The following TFEC variants were observed in gnomAD, a reference collection of about 807,000 sequenced individuals.
TFEC encodes transcription factor EC, also known as class E basic helix-loop-helix protein 34.
Under a neutral mutation model 41.6 loss-of-function variants are expected in TFEC, and 31 were observed. That is an observed-to-expected ratio of 0.74 (90% confidence interval 0.56 to 1.01). The LOEUF (loss-of-function observed/expected upper bound fraction) is 1.01, where lower values mean the gene tolerates loss of function less well. Among genes scored for constraint, TFEC ranks in the 50% least tolerant of loss-of-function variants. The pLI is 0.00. For synonymous variants in TFEC, 143 were observed against 140.6 expected, an observed-to-expected ratio of 1.02 and a Z score of -0.12; for missense variants, 402 against 404.1, an observed-to-expected ratio of 0.99 and a Z score of 0.04.
chr7:116,014,591 A>C (rs1795121298), intron 1 of TFEC, among the ~76,000 whole-genome samples: 1 of 152,102 alleles, frequency 6.6e-6, no homozygotes, highest in Admixed American at 6.6e-5. Flanking sequence ...AGTTACTTGC[A>C]ATTTCTCTGT....
intron 3 of TFEC, among the ~76,000 whole-genome samples, chr7:116,066,772 A>T (rs1369507803): frequency 6.6e-6 from 1 of 152,098 alleles, no homozygotes; most frequent in African/African-American, 2.4e-5. Flanking sequence ...TGGCCATTTC[A>T]GTGAACTGAA....
At chr7:116,051,162 G>T (rs74779541) in intron 3 of TFEC, among the ~76,000 whole-genome samples, 1 of 152,144 alleles carries the variant, frequency 6.6e-6, no homozygotes, top group Admixed American at 6.5e-5. Flanking sequence ...TTGGGGGAAG[G>T]GGGAGGGATA....
At chr7:116,112,110 G>A (rs903474747) in intron 1 of TFEC, 34 of 798,684 alleles carry the variant, frequency 4.3e-5, no homozygotes, top group Non-Finnish European at 4.8e-5. Context: ...TGATTCATAC[G>A]TTGTACATTA....
intron 3 of TFEC, among the ~76,000 whole-genome samples, chr7:116,102,219 C>T (rs998615836): frequency 6.6e-6 from 1 of 152,154 alleles, no homozygotes; most frequent in Non-Finnish European, 1.5e-5. Context: ...GATTTATTTA[C>T]TCTTCCCAGC....
chr7:116,014,943 A>G (rs73460649), intron 1 of TFEC, among the ~76,000 whole-genome samples: 3,949 of 152,160 alleles, frequency 0.026, 156 homozygotes, highest in African/African-American at 0.09. Context: ...AACCCTCCTG[A>G]TACTTTGATT....
At chr7:115,952,395 T>C (rs1473039894) in intron 5 of TFEC, among the ~76,000 whole-genome samples, 1 of 151,960 alleles carries the variant, frequency 6.6e-6, no homozygotes, top group African/African-American at 2.4e-5. Flanking sequence ...CATATGCACA[T>C]ATAAAATAAT....
intron 1 of TFEC, among the ~76,000 whole-genome samples, chr7:116,006,776 A>T (rs976338586): frequency 5.9e-5 from 9 of 152,240 alleles, no homozygotes; most frequent in Admixed American, 5.2e-4. Flanking sequence ...CCCCACCCAA[A>T]TCTTATCTTG....
At chr7:116,041,849 G>C (rs549502209) in intron 3 of TFEC, among the ~76,000 whole-genome samples, 2 of 152,182 alleles carry the variant, frequency 1.3e-5, no homozygotes, top group African/African-American at 2.4e-5. Flanking sequence ...CATTGTGGCT[G>C]TTGGTGACTC....
At chr7:115,981,407 A>C (rs1435070364) in intron 2 of TFEC, among the ~76,000 whole-genome samples, 1 of 152,106 alleles carries the variant, frequency 6.6e-6, no homozygotes, top group Non-Finnish European at 1.5e-5. Flanking sequence ...AAATTATACC[A>C]CATTACTTAA....
At chr7:116,098,844 GAAGA>G (rs895887113) in intron 3 of TFEC, among the ~76,000 whole-genome samples, 11 of 134,084 alleles carry the variant, frequency 8.2e-5, no homozygotes, top group African/African-American at 2.8e-4. Flanking sequence ...AGAAGGAAAA[GAAGA>G]AAGAAAGAGA....
At chr7:116,031,777 G>GA (rs1350872693), upstream of TFEC, among the ~76,000 whole-genome samples, 2 of 151,992 alleles carry the variant, frequency 1.3e-5, no homozygotes, top group Admixed American at 6.6e-5. Context: ...AAGCTATTAA[G>GA]TAAAAAAATT....
chr7:115,942,137 A>C, intron 6 of TFEC, 97 bp from the exon 7 acceptor site: 1 of 1,284,754 alleles, frequency 7.8e-7, no homozygotes, highest in Non-Finnish European at 1.1e-6. Flanking sequence ...ATAATGATTT[A>C]CATGACTATT....
intron 1 of TFEC, among the ~76,000 whole-genome samples, chr7:116,159,512 T>C (rs1028409762): frequency 2.0e-5 from 3 of 152,068 alleles, no homozygotes; most frequent in African/African-American, 7.2e-5. Context: ...AAGAGTAACA[T>C]TTAGAAGTCT....
chr7:116,012,254 T>C (rs1007569797), intron 1 of TFEC, among the ~76,000 whole-genome samples: 1 of 152,190 alleles, frequency 6.6e-6, no homozygotes, highest in African/African-American at 2.4e-5. Context: ...AACATTAATA[T>C]TTATTAAGAA....
intron 3 of TFEC, among the ~76,000 whole-genome samples, chr7:116,084,546 C>T (rs1158315007): frequency 1.3e-5 from 2 of 151,754 alleles, no homozygotes; most frequent in Non-Finnish European, 1.5e-5. Context: ...TTATATGGCA[C>T]ATTGGGTAGA....
intron 3 of TFEC, among the ~76,000 whole-genome samples, chr7:115,962,760 G>A (rs10953793): frequency 0.85 from 129,202 of 151,796 alleles, 55,120 homozygotes; most frequent in Non-Finnish European, 0.89. Flanking sequence ...AGAAGCTACT[G>A]GCCGATCATG....
intron 3 of TFEC, among the ~76,000 whole-genome samples, chr7:116,093,317 G>A (rs879392860): frequency 2.0e-5 from 3 of 151,996 alleles, no homozygotes; most frequent in Non-Finnish European, 4.4e-5. Flanking sequence ...TTTTAAAAAC[G>A]AGAACAAATA....
intron 3 of TFEC, among the ~76,000 whole-genome samples, chr7:116,092,299 A>G (rs1797347151): frequency 6.6e-6 from 1 of 152,184 alleles, no homozygotes. Flanking sequence ...TTACTTTAAT[A>G]CTAGTTACAA....
intron 3 of TFEC, among the ~76,000 whole-genome samples, chr7:116,060,289 C>T (rs555919882): frequency 4.6e-5 from 7 of 151,982 alleles, no homozygotes; most frequent in South Asian, 2.1e-4. Context: ...TCAACCATTG[C>T]GGAAAGCAGT....
Sources: allele counts gnomAD v4.1 joint callset (sites outside exome capture counted in the v4.1 genomes callset), GRCh38; gene constraint gnomAD v4.1.1; transcripts MANE v1.5; gene names NCBI Gene and HGNC (gene_info 2026-07-23, HGNC 2026-07-21).